The following EXOC4 variants were observed in gnomAD, a reference collection of about 807,000 sequenced individuals.
The protein encoded by EXOC4 is SEC8-like 1.
A neutral mutation model predicts 107.2 loss-of-function variants in EXOC4; 71 were observed. The observed-to-expected ratio is 0.66, with a 90% confidence interval of 0.55 to 0.81. The LOEUF is 0.81. EXOC4 is among the 30% of genes least tolerant of loss of function. The pLI, the probability that EXOC4 is intolerant of heterozygous loss-of-function variation, is 0.00. For synonymous variants in EXOC4, 456 were observed against 441.2 expected (o/e 1.03, Z -0.42); for missense variants, 1,108 against 1,189.6 (o/e 0.93, Z 1.01).
chr7:133,287,459 C>T (rs1041131566), intron 2 of EXOC4, among the ~76,000 whole-genome samples: 7 of 152,048 alleles, frequency 4.6e-5, no homozygotes, highest in Non-Finnish European at 7.4e-5. Context: ...TATAGGCACC[C>T]GCCACCATGC....
At chr7:133,575,507 A>G (rs1281389419) in intron 9 of EXOC4, among the ~76,000 whole-genome samples, 4 of 152,212 alleles carry the variant, frequency 2.6e-5, no homozygotes, top group Non-Finnish European at 5.9e-5. Context: ...TATTGAATTG[A>G]AATAGTTTGT....
intron 9 of EXOC4, among the ~76,000 whole-genome samples, chr7:133,587,935 G>A (rs994466093): frequency 4.6e-5 from 7 of 152,134 alleles, no homozygotes; most frequent in African/African-American, 1.7e-4. Context: ...CCCCTTAGGG[G>A]AGACTATAGA....
chr7:134,006,338 A>T (rs147974663), intron 16 of EXOC4, among the ~76,000 whole-genome samples: 1,787 of 152,290 alleles, frequency 0.012, 26 homozygotes, highest in African/African-American at 0.04. Context: ...CTAAAGTTAC[A>T]GACTTGAGAG....
chr7:134,015,216 C>G (rs1333778669), intron 17 of EXOC4, among the ~76,000 whole-genome samples: 1 of 152,216 alleles, frequency 6.6e-6, no homozygotes, highest in Non-Finnish European at 1.5e-5. Flanking sequence ...CCCCCACCAG[C>G]ACTCCCTATT....
intron 10 of EXOC4, among the ~76,000 whole-genome samples, chr7:133,653,858 G>A (rs938113513): frequency 6.6e-6 from 1 of 152,158 alleles, no homozygotes; most frequent in Admixed American, 6.5e-5. Flanking sequence ...ACGAGAACAG[G>A]AAAAGGGCAA....
chr7:133,663,933 G>T (rs569203657), intron 10 of EXOC4, among the ~76,000 whole-genome samples: 2 of 152,132 alleles, frequency 1.3e-5, no homozygotes, highest in African/African-American at 4.8e-5. Context: ...GTTTTACAGG[G>T]CCCTAAATAA....
chr7:133,350,619 ATGAGTC>A (rs1584841481), intron 5 of EXOC4, among the ~76,000 whole-genome samples: 1 of 152,034 alleles, frequency 6.6e-6, no homozygotes, highest in African/African-American at 2.4e-5. Context: ...GAAATGAAGT[ATGAGTC>A]TTCTAGATTT....
At chr7:133,855,304 A>C (rs1798351869) in intron 11 of EXOC4, among the ~76,000 whole-genome samples, 2 of 151,012 alleles carry the variant, frequency 1.3e-5, no homozygotes, top group Non-Finnish European at 2.9e-5. Context: ...ACTAATCTAA[A>C]CCAGAAAACG....
chr7:133,680,486 C>T (rs925786530), intron 10 of EXOC4, among the ~76,000 whole-genome samples: 2 of 152,114 alleles, frequency 1.3e-5, no homozygotes, highest in Non-Finnish European at 2.9e-5. Flanking sequence ...TCCCCTGACA[C>T]GACAGGACGT....
chr7:133,555,582 A>G (rs1406341364), intron 9 of EXOC4, among the ~76,000 whole-genome samples: 2 of 152,116 alleles, frequency 1.3e-5, no homozygotes, highest in Admixed American at 6.6e-5. Flanking sequence ...TCTTTTTGCT[A>G]TTTTGGCATC....
chr7:133,466,691 A>G (rs1798736377), intron 7 of EXOC4, among the ~76,000 whole-genome samples: 1 of 152,204 alleles, frequency 6.6e-6, no homozygotes, highest in Admixed American at 6.5e-5. Context: ...GGCCAGTATT[A>G]CCCTGATAAC....
chr7:134,013,425 A>G (rs1348901244), intron 17 of EXOC4, among the ~76,000 whole-genome samples: 1 of 152,228 alleles, frequency 6.6e-6, no homozygotes, highest in Non-Finnish European at 1.5e-5. Flanking sequence ...CACAGCCAAC[A>G]GGAGCCTAGG....
chr7:133,865,216 TAAA>T (rs999073772), intron 11 of EXOC4, among the ~76,000 whole-genome samples: 1 of 151,836 alleles, frequency 6.6e-6, no homozygotes, highest in Non-Finnish European at 1.5e-5. Context: ...TTCATTTCCT[TAAA>T]AAAAACCACT....
At chr7:133,803,216 TC>T (rs1796989691) in intron 10 of EXOC4, among the ~76,000 whole-genome samples, 1 of 152,226 alleles carries the variant, frequency 6.6e-6, no homozygotes, top group Non-Finnish European at 1.5e-5. Context: ...AGAGTAGTTT[TC>T]TGAAATAATT....
chr7:133,429,854 G>A (rs1797814577), intron 7 of EXOC4, among the ~76,000 whole-genome samples: 1 of 152,224 alleles, frequency 6.6e-6, no homozygotes, highest in Non-Finnish European at 1.5e-5. Context: ...TGTGATGGGG[G>A]TGTGGCCCAC....
intron 7 of EXOC4, among the ~76,000 whole-genome samples, chr7:133,420,121 T>TC (rs1797570057): frequency 1.2e-5 from 1 of 86,228 alleles, no homozygotes; most frequent in African/African-American, 4.6e-5. Flanking sequence ...CCCTCCCCCC[T>TC]CCCCCCACCC....
chr7:133,626,519 A>G (rs530911805), intron 9 of EXOC4, among the ~76,000 whole-genome samples: 1 of 152,298 alleles, frequency 6.6e-6, no homozygotes, highest in African/African-American at 2.4e-5. Context: ...CTGGAAGAGT[A>G]TATGAGGTTC....
chr7:133,827,289 A>ACAGG (rs1229362834), intron 11 of EXOC4, among the ~76,000 whole-genome samples: 5 of 152,168 alleles, frequency 3.3e-5, no homozygotes, highest in Admixed American at 6.5e-5. Context: ...TACCGGCAGA[A>ACAGG]CAGGCCCATT....
chr7:133,805,004 A>C (rs1797040324), intron 10 of EXOC4, among the ~76,000 whole-genome samples: 1 of 152,208 alleles, frequency 6.6e-6, no homozygotes. Flanking sequence ...AATATTATTT[A>C]TTAAAACATT....
Sources: gnomAD v4.1 joint callset for allele counts (sites outside exome capture counted in the v4.1 genomes callset) on GRCh38, gnomAD v4.1.1 for gene constraint, MANE v1.5 for transcripts, NCBI Gene and HGNC (gene_info 2026-07-23, HGNC 2026-07-21) for gene names.